The following MAP4K3 variants were observed in gnomAD, a reference collection of about 807,000 sequenced individuals.
MAP4K3 encodes MAPK/ERK kinase kinase kinase 3.
A neutral mutation model predicts 143.5 loss-of-function variants in MAP4K3; 94 were observed. That is an observed-to-expected ratio of 0.65 (90% CI 0.55 to 0.78). MAP4K3 has a LOEUF of 0.78. Among genes scored for constraint, MAP4K3 ranks in the 30% least tolerant of loss-of-function variants. The pLI is 0.00. For missense variants in MAP4K3, 1,077 were observed against 1,068.1 expected, an observed-to-expected ratio of 1.01 and a Z score of -0.12; for synonymous variants, 416 against 347.2, an observed-to-expected ratio of 1.20 and a Z score of -2.20.
At chr2:39,377,684 G>A (rs1558675822) in intron 2 of MAP4K3, among the ~76,000 whole-genome samples, 2 of 152,162 alleles carry the variant, frequency 1.3e-5, no homozygotes, top group Admixed American at 6.5e-5. Context: ...GAGCAAGGGA[G>A]TGGGAGACAA....
intron 2 of MAP4K3, among the ~76,000 whole-genome samples, chr2:39,377,207 T>TTTTTTTTTTTTTC (rs1369937294): frequency 1.3e-5 from 2 of 148,816 alleles, no homozygotes; most frequent in African/African-American, 4.9e-5. Context: ...TGGCCTTTTT[T>TTTTTTTTTTTTTC]TTTTTTTTAA....
At chr2:39,428,233 AC>A (rs1198984749) in intron 1 of MAP4K3, among the ~76,000 whole-genome samples, 1 of 152,210 alleles carries the variant, frequency 6.6e-6, no homozygotes, top group African/African-American at 2.4e-5. Flanking sequence ...CTCCTAAACA[AC>A]CTAGCAGTGT....
rs1004955779 is a variant in MAP4K3 at position 39,288,143 on chromosome 2, G to A, written c.1452C>T (p.Pro484=). ...TACCTAAGGCAACAGGTTTGTGTGGGGGTAATCTGGGAGGTGGTGGTCTAG... is the reference window on the plus strand; with the variant it reads ...TACCTAAGGCAACAGGTTTGTGTGGAGGTAATCTGGGAGGTGGTGGTCTAG... ...VPPRPPPPRL[P]PHKPVALGNG... Residue 484 remains proline (P), a synonymous_variant, in exon 20 of 34, where the codon CCC becomes CCT. Coordinates refer to ENST00000263881, the MANE Select transcript of MAP4K3 (RefSeq NM_003618.4). 1.2e-6 allele frequency: 2 copies of A among 1,614,082 alleles called. No homozygotes were observed. The highest frequency in any genetic ancestry group is 1.7e-6 in the Non-Finnish European group (2 of 1,180,014).
chr2:39,332,570 T>C (rs1683716206), intron 7 of MAP4K3, among the ~76,000 whole-genome samples: 1 of 152,076 alleles, frequency 6.6e-6, no homozygotes, highest in African/African-American at 2.4e-5. Context: ...TCTAATATTT[T>C]CTAGTTTACT....
chr2:39,250,939 G>A (rs1680131727), intron 33 of MAP4K3, among the ~76,000 whole-genome samples: 1 of 152,264 alleles, frequency 6.6e-6, no homozygotes, highest in Non-Finnish European at 1.5e-5. Flanking sequence ...AGTCAGAAGT[G>A]GGGAGAAACC....
intron 24 of MAP4K3, among the ~76,000 whole-genome samples, chr2:39,276,983 G>C (rs532512466): frequency 6.6e-6 from 1 of 152,336 alleles, no homozygotes; most frequent in East Asian, 1.9e-4. Context: ...CCCTTTAAGT[G>C]GGTGAACTGT....
At chr2:39,430,496 TTG>T (rs1184792168) in intron 1 of MAP4K3, among the ~76,000 whole-genome samples, 2 of 152,090 alleles carry the variant, frequency 1.3e-5, no homozygotes, top group Admixed American at 1.3e-4. Context: ...AATATGATTT[TTG>T]TACATATAAA....
chr2:39,291,426 A>T (rs1356389081), intron 18 of MAP4K3, among the ~76,000 whole-genome samples: 2 of 152,250 alleles, frequency 1.3e-5, no homozygotes, highest in Admixed American at 6.5e-5. Flanking sequence ...GGCTTATGAA[A>T]TAAATGATAC....
Position 39,399,766 on chromosome 2 carries a change from CA to C in MAP4K3, c.97-21644del, listed in dbSNP as rs1302564971. ...CTGAGTTCTTACACAGAAACTATGCCAAAAAGTTAAGGGCTCCTGTTACAAG... is the reference window on the plus strand; with the variant it reads ...CTGAGTTCTTACACAGAAACTATGCCAAAAGTTAAGGGCTCCTGTTACAAG... On this transcript the variant is annotated intron_variant, in intron 1 of 33. Coordinates refer to ENST00000263881, the MANE Select transcript of MAP4K3 (RefSeq NM_003618.4). Among the ~76,000 whole-genome samples the C allele has an allele frequency of 2.6e-5, 4 of 152,156 alleles. No individual in the cohort carries two copies. The East Asian group carries it at 7.7e-4, about 29-fold the overall frequency.
intron 12 of MAP4K3, among the ~76,000 whole-genome samples, chr2:39,319,709 G>T (rs1382267535): frequency 6.6e-6 from 1 of 152,134 alleles, no homozygotes; most frequent in Admixed American, 6.6e-5. Flanking sequence ...AATGTAAGAA[G>T]AATCCACTAA....
At chr2:39,408,501 T>C (rs2148615233) in intron 1 of MAP4K3, among the ~76,000 whole-genome samples, 1 of 152,250 alleles carries the variant, frequency 6.6e-6, no homozygotes, top group East Asian at 1.9e-4. Flanking sequence ...ATATTGCTGT[T>C]ACAGAAAAAA....
chr2:39,305,191 A>G (rs962313246), intron 15 of MAP4K3, among the ~76,000 whole-genome samples: 4 of 152,214 alleles, frequency 2.6e-5, no homozygotes, highest in Non-Finnish European at 5.9e-5. Context: ...GTAGACATAA[A>G]CATTAAAACA....
At chr2:39,392,930 T>A (rs1293218549) in intron 1 of MAP4K3, among the ~76,000 whole-genome samples, 1 of 152,188 alleles carries the variant, frequency 6.6e-6, no homozygotes, top group Non-Finnish European at 1.5e-5. Context: ...TCTTTGATCT[T>A]TATAAATTAC....
intron 1 of MAP4K3, among the ~76,000 whole-genome samples, chr2:39,378,919 G>A (rs1442442873): frequency 6.6e-6 from 1 of 151,314 alleles, no homozygotes; most frequent in African/African-American, 2.4e-5. Context: ...ATATAAATAA[G>A]CAGAAACTAT....
intron 1 of MAP4K3, among the ~76,000 whole-genome samples, chr2:39,420,719 A>C (rs1667523333): frequency 6.6e-6 from 1 of 152,036 alleles, no homozygotes; most frequent in Non-Finnish European, 1.5e-5. Context: ...GGCCGCCATG[A>C]ATTTCTCAAA....
intron 24 of MAP4K3, among the ~76,000 whole-genome samples, chr2:39,276,298 C>T (rs1681249897): frequency 6.6e-6 from 1 of 152,200 alleles, no homozygotes; most frequent in African/African-American, 2.4e-5. Flanking sequence ...TACTATACTC[C>T]ATCTTTCTGT....
intron 29 of MAP4K3, among the ~76,000 whole-genome samples, chr2:39,260,404 C>T (rs1680519729): frequency 6.6e-6 from 1 of 152,182 alleles, no homozygotes; most frequent in Non-Finnish European, 1.5e-5. Flanking sequence ...GCGTGACCCA[C>T]CATGCCCTGC....
At chr2:39,377,863 T>C (rs967964191) in intron 2 of MAP4K3, among the ~76,000 whole-genome samples, 1 of 152,156 alleles carries the variant, frequency 6.6e-6, no homozygotes, top group African/African-American at 2.4e-5. Flanking sequence ...CTCCCCCAAT[T>C]ATCAGTTACT....
At chr2:39,259,692 G>C (rs181889921) in intron 29 of MAP4K3, among the ~76,000 whole-genome samples, 29 of 151,906 alleles carry the variant, frequency 1.9e-4, no homozygotes, top group Non-Finnish European at 5.9e-5. Context: ...TCTCCAAAAA[G>C]GAAATGTGAA....
Sources: allele counts gnomAD v4.1 joint callset (sites outside exome capture counted in the v4.1 genomes callset), GRCh38; gene constraint gnomAD v4.1.1; transcripts MANE v1.5; gene names NCBI Gene and HGNC (gene_info 2026-07-23, HGNC 2026-07-21).